Variants in IQSEC1 observed in about 807,000 individuals in gnomAD.
The protein encoded by IQSEC1 is IQ motif and SEC7 domain-containing protein 1.
In IQSEC1, 31 loss-of-function variants were observed where a neutral mutation model predicts 91.0. The ratio of observed to expected loss-of-function variants is 0.34; its 90% CI spans 0.26 to 0.46. The LOEUF is 0.46. Ranked by LOEUF, IQSEC1 falls within the 20% of genes least tolerant of loss-of-function variation. The pLI is 1.00. For synonymous variants in IQSEC1, 699 were observed against 662.6 expected, an observed-to-expected ratio of 1.05 and a Z score of -0.84; for missense variants, 1,388 against 1,575.6, an observed-to-expected ratio of 0.88 and a Z score of 2.02.
chr3:12,929,253 T>TGCCTCAG (rs1322971314), intron 3 of IQSEC1, among the ~76,000 whole-genome samples: 3 of 152,190 alleles, frequency 2.0e-5, no homozygotes, highest in African/African-American at 7.2e-5. Flanking sequence ...TAACGTACCA[T>TGCCTCAG]GCCTCAGGCC....
At chr3:13,180,453 C>T (rs989276174) in intron 1 of IQSEC1, among the ~76,000 whole-genome samples, 2 of 152,240 alleles carry the variant, frequency 1.3e-5, no homozygotes, top group Admixed American at 1.3e-4. Context: ...CACCAATCAG[C>T]GCCCTGTCAA....
chr3:13,231,689 G>C (rs887455722), intron 1 of IQSEC1, among the ~76,000 whole-genome samples: 3 of 152,206 alleles, frequency 2.0e-5, no homozygotes, highest in African/African-American at 7.2e-5. Context: ...TCTACCAAAT[G>C]CAATAATGAA....
chr3:13,238,813 C>A (rs1454533574), intron 1 of IQSEC1, among the ~76,000 whole-genome samples: 3 of 152,218 alleles, frequency 2.0e-5, no homozygotes, highest in African/African-American at 7.2e-5. Context: ...GGGTGTGCAG[C>A]AGCCCCCAGG....
At chr3:13,204,746 T>TTTCC (rs528869978) in intron 1 of IQSEC1, among the ~76,000 whole-genome samples, 34 of 151,692 alleles carry the variant, frequency 2.2e-4, no homozygotes, top group East Asian at 5.9e-4. Context: ...TCTTACTTTC[T>TTTCC]TTCCTTCCTT....
intron 2 of IQSEC1, among the ~76,000 whole-genome samples, chr3:13,135,319 T>G (rs1706689166): frequency 6.6e-6 from 1 of 152,234 alleles, no homozygotes; most frequent in African/African-American, 2.4e-5. Context: ...CAGGCCACAC[T>G]GGCCCTATGG....
At position 12,935,157 on chromosome 3, in the gene IQSEC1, G is replaced by A. The variant is rs1040294269; in HGVS notation, c.1568+291C>T. ...ACCCCACTTGCTATGGCGGACTTGGGGGGGATGGGACGGAAGGGCCCGGGA... is the reference window on the plus strand; with the variant it reads ...ACCCCACTTGCTATGGCGGACTTGGAGGGGATGGGACGGAAGGGCCCGGGA... On this transcript the variant is annotated intron_variant, in intron 3 of 13. Coordinates refer to ENST00000613206, the MANE Select transcript of IQSEC1 (RefSeq NM_001134382.3). This position sits in a 1 kb window ranked among gnomAD's most constrained non-coding sequence, Gnocchi z 8.0. 1.8e-4 allele frequency among the ~76,000 whole-genome samples: 27 copies of A among 152,222 alleles called. No homozygotes were observed. The highest frequency in any genetic ancestry group is 2.6e-4 in the Non-Finnish European group (18 of 68,042).
At position 13,114,282 on chromosome 3, in the gene IQSEC1, C is replaced by T. The variant is rs1373638226; in HGVS notation, c.302+49822G>A. On this transcript the variant is annotated intron_variant, in intron 2 of 15. Transcript: ENST00000648114. ...GGTGTGGCTCTCTAGGACAGTGTCC[C>T]TGTTCTCAGGGGATATATGCCCAAG... Among the ~76,000 whole-genome samples the T allele has an allele frequency of 1.3e-5, 2 of 152,122 alleles. 1 individual carries two copies. Among genetic ancestry groups the T allele is most frequent in the Non-Finnish European group, 2.9e-5 (2 of 68,038 alleles).
intron 1 of IQSEC1, among the ~76,000 whole-genome samples, chr3:13,266,795 G>A (rs73138151): frequency 1.3e-4 from 19 of 151,976 alleles, no homozygotes; most frequent in African/African-American, 3.6e-4. Context: ...CCCTAACAAC[G>A]CTCGCTGCCT....
chr3:13,014,980 A>C (rs1703052001), intron 1 of IQSEC1, among the ~76,000 whole-genome samples: 1 of 152,116 alleles, frequency 6.6e-6, no homozygotes, highest in South Asian at 2.1e-4. Flanking sequence ...GTGTCTCCTC[A>C]ACACAGCCTG....
chr3:13,253,773 G>C (rs1435785019), intron 1 of IQSEC1, among the ~76,000 whole-genome samples: 1 of 152,142 alleles, frequency 6.6e-6, no homozygotes, highest in African/African-American at 2.4e-5. Context: ...AATTAGGGAG[G>C]ACAAAAGGCC....
intron 12 of IQSEC1, 21 bp from the exon 13 acceptor site, chr3:12,902,843 C>T: frequency 6.2e-7 from 1 of 1,603,310 alleles, no homozygotes; most frequent in South Asian, 1.1e-5. Context: ...CATGCAATAC[C>T]AGAAGTTAGA....
chr3:13,074,726 C>T (rs1357854095), upstream of IQSEC1, among the ~76,000 whole-genome samples: 1 of 152,232 alleles, frequency 6.6e-6, no homozygotes, highest in Non-Finnish European at 1.5e-5. Flanking sequence ...GTAGTTGAGA[C>T]TGGGAATCGG....
At chr3:12,913,345 C>T in intron 9 of IQSEC1, 83 bp downstream of exon 9, 1 of 1,438,084 alleles carries the variant, frequency 7.0e-7, no homozygotes, top group East Asian at 2.8e-5. Context: ...GCATGCACAT[C>T]TTCCCCACGC....
At position 13,175,953 on chromosome 3, in the gene IQSEC1, G is replaced by A. The variant is rs561190165; in HGVS notation, c.273-11820C>T. Among the ~76,000 whole-genome samples, 4 of 152,320 alleles carry A rather than the reference G, an allele frequency of 2.6e-5. No individual in the cohort carries two copies. In the East Asian group the frequency reaches 5.8e-4, roughly 22 times the overall value. On this transcript the variant is annotated intron_variant, in intron 1 of 15. Coordinates refer to the IQSEC1 transcript ENST00000648114. ...CCTGGGTAATTAGCTTGCAATTTACGAATGCTGGGGGCACACAAGCACCCA... is the reference window on the plus strand; with the variant it reads ...CCTGGGTAATTAGCTTGCAATTTACAAATGCTGGGGGCACACAAGCACCCA...
rs947303351 is a variant in IQSEC1 at position 12,915,648 on chromosome 3, C to T, written c.2106G>A (p.Glu702=). ...RIRKRELKTN[E]DHVSQVQKVE... ...CCTTCTGCACCTGGGACACATGGTCCTCATTGGTCTTTAGCTCTCGCTTAC... is the reference window on the plus strand; with the variant it reads ...CCTTCTGCACCTGGGACACATGGTCTTCATTGGTCTTTAGCTCTCGCTTAC... Residue 702 remains glutamate, a synonymous_variant, in exon 7 of 14, where the codon GAG becomes GAA. Coordinates refer to ENST00000613206, the MANE Select transcript of IQSEC1 (RefSeq NM_001134382.3). 2 of 1,614,034 alleles carry T rather than the reference C, an allele frequency of 1.2e-6. No homozygotes were observed. The highest frequency in any genetic ancestry group is 1.7e-6 in the Non-Finnish European group (2 of 1,180,008).
chr3:13,093,007 C>T (rs1705890067), intron 2 of IQSEC1, among the ~76,000 whole-genome samples: 1 of 152,056 alleles, frequency 6.6e-6, no homozygotes, highest in Non-Finnish European at 1.5e-5. Context: ...TGCTCCTAGT[C>T]CTCAGGGTCC....
chr3:13,024,350 C>T (rs962518057), intron 1 of IQSEC1, among the ~76,000 whole-genome samples: 5 of 149,880 alleles, frequency 3.3e-5, no homozygotes, highest in South Asian at 2.1e-4. Context: ...TTCCCTCACC[C>T]GCACATACAC....
At chr3:13,160,983 G>A (rs1707163620) in intron 2 of IQSEC1, among the ~76,000 whole-genome samples, 1 of 152,262 alleles carries the variant, frequency 6.6e-6, no homozygotes, top group African/African-American at 2.4e-5. Context: ...AGACAACCAG[G>A]AGGCCACCCT....
intron 1 of IQSEC1, among the ~76,000 whole-genome samples, chr3:13,253,078 G>T (rs1042051221): frequency 7.9e-5 from 12 of 152,202 alleles, no homozygotes; most frequent in Admixed American, 5.2e-4. Context: ...TGGGTGTGAG[G>T]TTGCTTCTCG....
Sources: gnomAD v4.1 joint callset for allele counts (sites outside exome capture counted in the v4.1 genomes callset) on GRCh38, gnomAD v4.1.1 for gene constraint, Gnocchi (gnomAD v3.1) non-coding constraint, MANE v1.5 for transcripts, NCBI Gene and HGNC (gene_info 2026-07-23, HGNC 2026-07-21) for gene names.